Variants in DAAM1 observed in about 807,000 individuals in gnomAD.
DAAM1 encodes the protein disheveled-associated activator of morphogenesis 1.
DAAM1 carries 52 observed loss-of-function variants against 130.0 expected under a neutral mutation model. The observed-to-expected ratio is 0.40, with a 90% CI of 0.32 to 0.50. The LOEUF (loss-of-function observed/expected upper bound fraction) is 0.50, where lower values mean the gene tolerates loss of function less well. Among genes scored for constraint, DAAM1 ranks in the 20% least tolerant of loss-of-function variants. DAAM1 has a pLI of 0.61. For missense variants in DAAM1, 1,134 were observed against 1,303.8 expected (o/e 0.87, Z 2.01); for synonymous variants, 452 against 444.5 (o/e 1.02, Z -0.21).
At chr14:59,267,046 G>C (rs182340008) in intron 2 of DAAM1, among the ~76,000 whole-genome samples, 51 of 152,362 alleles carry the variant, frequency 3.3e-4, no homozygotes, top group African/African-American at 1.1e-3. Flanking sequence ...CAAGAGGGAT[G>C]AGAGATAATT....
At chr14:59,230,477 T>C (rs1040721640) in intron 1 of DAAM1, among the ~76,000 whole-genome samples, 4 of 152,150 alleles carry the variant, frequency 2.6e-5, no homozygotes, top group African/African-American at 9.7e-5. Flanking sequence ...TACTAAGTTA[T>C]GTAAATATAA....
At chr14:59,346,220 T>TA (rs1886076707) in intron 16 of DAAM1, among the ~76,000 whole-genome samples, 1 of 151,496 alleles carries the variant, frequency 6.6e-6, no homozygotes, top group Non-Finnish European at 1.5e-5. Context: ...TGAGGCTTTA[T>TA]AAAAAATTTT....
chr14:59,223,689 A>C (rs1888848988), intron 1 of DAAM1, among the ~76,000 whole-genome samples: 1 of 152,224 alleles, frequency 6.6e-6, no homozygotes, highest in African/African-American at 2.4e-5. Context: ...AACACGCCCA[A>C]ATGCAGAATA....
chr14:59,340,693 G>C (rs1438489722), intron 16 of DAAM1, among the ~76,000 whole-genome samples: 2 of 152,154 alleles, frequency 1.3e-5, no homozygotes, highest in Non-Finnish European at 2.9e-5. Flanking sequence ...GTTCAGCCCT[G>C]TTCAGAAATC....
chr14:59,334,669 G>A (rs931915462), intron 15 of DAAM1, among the ~76,000 whole-genome samples: 8 of 152,120 alleles, frequency 5.3e-5, no homozygotes, highest in African/African-American at 7.2e-5. Context: ...ATGACACTTA[G>A]GGGATATATA....
At chr14:59,311,307 G>A (rs1428711717) in intron 3 of DAAM1, among the ~76,000 whole-genome samples, 1 of 152,146 alleles carries the variant, frequency 6.6e-6, no homozygotes, top group East Asian at 1.9e-4. Flanking sequence ...AATCCAGTAA[G>A]AGAAGACAAT....
At chr14:59,279,363 C>A (rs1883112918) in intron 2 of DAAM1, among the ~76,000 whole-genome samples, 1 of 152,002 alleles carries the variant, frequency 6.6e-6, no homozygotes, top group South Asian at 2.1e-4. Context: ...ATTTAATTAC[C>A]AAAATGAAAA....
intron 1 of DAAM1, among the ~76,000 whole-genome samples, chr14:59,240,838 A>G (rs1038815634): frequency 1.3e-5 from 2 of 152,248 alleles, no homozygotes; most frequent in Non-Finnish European, 2.9e-5. Flanking sequence ...CCATGTGTCC[A>G]TCTCTGGATG....
Position 59,237,742 on chromosome 14 carries a change from C to G in DAAM1, c.-37-25699C>G, listed in dbSNP as rs80329312. ...TGCTAGTCCCTGGATCTTCTCCCTA[C>G]TTTCCACAGCACTCACCAAAGCAGG... On this transcript the variant is annotated intron_variant, in intron 1 of 24. Coordinates refer to ENST00000360909, the MANE Select transcript of DAAM1 (RefSeq NM_001270520.2). Among the ~76,000 whole-genome samples, 175 of 152,308 alleles carry G rather than the reference C, an allele frequency of 1.1e-3. 1 individual carries two copies. In the East Asian group the frequency reaches 0.024, roughly 21 times the overall value.
chr14:59,263,828 A>C lies in DAAM1; in HGVS notation c.183+168A>C, dbSNP rs989876224. 6.1e-6 allele frequency: 5 copies of C among 818,700 alleles called. No homozygotes were observed. The African/African-American group carries it at 8.5e-5, about 14-fold the overall frequency. The allele number at this position is 818,700 out of a possible 1,614,324, so 50.7% of individuals were successfully genotyped here. On this transcript the variant is annotated intron_variant, in intron 2 of 24. Coordinates refer to ENST00000360909, the MANE Select transcript of DAAM1 (RefSeq NM_001270520.2). ...ACTGTCAGCACTAAACCTGTGGAGAAGGAAGAGTTAGAAGAGGGTAGTATT... is the reference window on the plus strand; with the variant it reads ...ACTGTCAGCACTAAACCTGTGGAGACGGAAGAGTTAGAAGAGGGTAGTATT...
chr14:59,280,188 A>G (rs1180232706), intron 2 of DAAM1, among the ~76,000 whole-genome samples: 2 of 152,188 alleles, frequency 1.3e-5, no homozygotes, highest in Non-Finnish European at 2.9e-5. Context: ...ACTTCAATGT[A>G]TACCTTTGCC....
chr14:59,272,616 C>T (rs1450696783), intron 2 of DAAM1, among the ~76,000 whole-genome samples: 3 of 123,960 alleles, frequency 2.4e-5, no homozygotes, highest in Non-Finnish European at 5.3e-5. Context: ...TATACACACA[C>T]ACACACACAC....
chr14:59,329,562 C>G (rs1285978774), intron 12 of DAAM1, among the ~76,000 whole-genome samples: 2 of 152,158 alleles, frequency 1.3e-5, no homozygotes, highest in East Asian at 1.9e-4. Context: ...TAGTATAGCT[C>G]GGCCCCAGTG....
chr14:59,262,564 T>TCATATACATA (rs1192629102), intron 1 of DAAM1, among the ~76,000 whole-genome samples: 1 of 152,120 alleles, frequency 6.6e-6, no homozygotes, highest in Non-Finnish European at 1.5e-5. Context: ...ATTCTTTAAA[T>TCATATACATA]CATGTACTCC....
chr14:59,330,759 T>C, intron 13 of DAAM1, 71 bp downstream of exon 13: 8 of 1,431,912 alleles, frequency 5.6e-6, no homozygotes, highest in Non-Finnish European at 7.5e-6. Context: ...CACCCTTAAG[T>C]AGAGAACTTC....
chr14:59,351,753 TAA>T (rs376635419), intron 17 of DAAM1, among the ~76,000 whole-genome samples: 5 of 143,776 alleles, frequency 3.5e-5, no homozygotes, highest in Non-Finnish European at 6.2e-5. Context: ...GTCAATGTTT[TAA>T]AAAAAAAAAA....
rs934900124 is a variant in DAAM1 at position 59,315,282 on chromosome 14, C to T, written c.276C>T (p.Asp92=). Residue 92 remains aspartate, a splice_region_variant and synonymous_variant, in exon 4 of 25, where the codon GAC becomes GAT. Coordinates refer to ENST00000360909, the MANE Select transcript of DAAM1 (RefSeq NM_001270520.2). ...CACTTTTTTTCCCCCCTTTTTAGGA[C>T]CAGGAAGAAAACAAGGGAGCTACAA... is the stretch of plus-strand genomic sequence containing the variant. ...KWQIYCSKKK[D]QEENKGATSW... is the part of the protein sequence containing the mutation. The T allele has an allele frequency of 6.2e-7, 1 of 1,613,768 alleles. No homozygotes were observed. The highest frequency in any genetic ancestry group is 8.5e-7 in the Non-Finnish European group (1 of 1,179,838).
intron 17 of DAAM1, among the ~76,000 whole-genome samples, chr14:59,349,481 T>C (rs1326038993): frequency 6.6e-6 from 1 of 152,268 alleles, no homozygotes; most frequent in Non-Finnish European, 1.5e-5. Flanking sequence ...TGTCTTGCTC[T>C]CTGGTCATCT....
At chr14:59,284,877 A>C (rs1317761343) in intron 2 of DAAM1, among the ~76,000 whole-genome samples, 2 of 152,150 alleles carry the variant, frequency 1.3e-5, no homozygotes, top group African/African-American at 2.4e-5. Flanking sequence ...GCAACTTGGA[A>C]AATATATTTG....
Sources: gnomAD v4.1 joint callset for allele counts (sites outside exome capture counted in the v4.1 genomes callset) on GRCh38, gnomAD v4.1.1 for gene constraint, MANE v1.5 for transcripts, NCBI Gene and HGNC (gene_info 2026-07-23, HGNC 2026-07-21) for gene names.